The following CDIN1 variants were observed in gnomAD, a reference collection of about 807,000 sequenced individuals.
The protein encoded by CDIN1 is CDAN1 interacting nuclease 1.
CDIN1 carries 33 observed loss-of-function variants against 45.3 expected under a neutral mutation model. The observed-to-expected ratio is 0.73, with a 90% confidence interval of 0.55 to 0.97. CDIN1 has a LOEUF of 0.97. Among genes scored for constraint, CDIN1 ranks in the 50% least tolerant of loss-of-function variants. CDIN1 has a pLI of 0.00. For missense variants in CDIN1, 303 were observed against 339.4 expected (o/e 0.89, Z 0.84); for synonymous variants, 118 against 124.4 (o/e 0.95, Z 0.34).
intron 1 of CDIN1, among the ~76,000 whole-genome samples, chr15:36,629,188 C>A (rs769846526): frequency 6.6e-6 from 1 of 152,122 alleles, no homozygotes; most frequent in Admixed American, 6.5e-5. Flanking sequence ...TTTTAATCCA[C>A]CAAGTTTTTG....
chr15:36,789,877 C>T (rs1185548404), intron 10 of CDIN1, among the ~76,000 whole-genome samples: 1 of 152,118 alleles, frequency 6.6e-6, no homozygotes, highest in Admixed American at 6.5e-5. Context: ...TCCTAGAAAC[C>T]ATTGAGTAAT....
intron 10 of CDIN1, among the ~76,000 whole-genome samples, chr15:36,788,077 T>TAC (rs1340973824): frequency 1.0e-3 from 39 of 37,630 alleles, no homozygotes; most frequent in African/African-American, 4.2e-3. Flanking sequence ...ATTTTATACA[T>TAC]ATATATATAT....
chr15:36,775,701 G>A (rs558547311), intron 10 of CDIN1, among the ~76,000 whole-genome samples: 1 of 53,312 alleles, frequency 1.9e-5, no homozygotes, highest in East Asian at 1.4e-3. Flanking sequence ...TCTATTACCA[G>A]ATTTACACAG....
intron 5 of CDIN1, among the ~76,000 whole-genome samples, chr15:36,658,587 A>G (rs1291449495): frequency 6.6e-6 from 1 of 152,130 alleles, no homozygotes. Context: ...TGCCCCATAA[A>G]TATTTGCCTA....
intron 1 of CDIN1, among the ~76,000 whole-genome samples, chr15:36,583,949 GA>G (rs2037171352): frequency 6.6e-6 from 1 of 152,162 alleles, no homozygotes; most frequent in South Asian, 2.1e-4. Flanking sequence ...CTGGGAGGCA[GA>G]GCTTGCAGTG....
At chr15:36,666,195 A>G (rs542345352) in intron 5 of CDIN1, among the ~76,000 whole-genome samples, 2 of 152,294 alleles carry the variant, frequency 1.3e-5, no homozygotes, top group South Asian at 4.2e-4. Context: ...GCCTGAGCCT[A>G]TCAGACACAA....
Position 36,691,720 on chromosome 15 carries a change from C to T in CDIN1, c.382C>T (p.Pro128Ser), listed in dbSNP as rs770969100. ...TATTATAAATAGTATGCTACGGGAC[C>T]CTTCTCAGATTCCAGATGGAGTTCT... is the stretch of plus-strand genomic sequence containing the variant. ...KSIINSMLRD[P>S]SQIPDGVLAN... The change falls in exon 6 of 11, where the codon CCT becomes TCT. Residue 128 changes from proline (P) to serine (S), a missense_variant. Physicochemically the swap from Pro to Ser is moderately conservative, Grantham distance 74. Coordinates refer to ENST00000566621, the MANE Select transcript of CDIN1 (RefSeq NM_001321759.2). 1.2e-6 allele frequency: 2 copies of T among 1,603,808 alleles called. No individual in the cohort carries two copies. The highest frequency in any genetic ancestry group is 2.7e-5 in the African/African-American group (2 of 74,738).
chr15:36,621,090 T>C (rs1397355707), intron 1 of CDIN1, among the ~76,000 whole-genome samples: 1 of 152,230 alleles, frequency 6.6e-6, no homozygotes, highest in Admixed American at 6.5e-5. Context: ...AGTCATACCA[T>C]GTTTAGAGTT....
At chr15:36,699,919 A>T (rs2042572842) in intron 8 of CDIN1, among the ~76,000 whole-genome samples, 1 of 152,190 alleles carries the variant, frequency 6.6e-6, no homozygotes, top group Non-Finnish European at 1.5e-5. Flanking sequence ...ACACATAAGT[A>T]TATTGTATTA....
In CDIN1 at chr15:36,701,122, GTAGATAGATAGATAGA is replaced by G. The variant is rs200063950; in HGVS notation, c.544+3771_544+3786del. On this transcript the variant is annotated intron_variant, in intron 8 of 10. Coordinates refer to ENST00000566621, the MANE Select transcript of CDIN1 (RefSeq NM_001321759.2). ...GGTAGATAGATAGATAGATAGGTAG[GTAGATAGATAGATAGA>G]TAGATAGATAGATAGATAGATAGAT... Among the ~76,000 whole-genome samples, 74 of 103,868 alleles carry G rather than the reference GTAGATAGATAGATAGA, an allele frequency of 7.1e-4. No homozygotes were observed. In the East Asian group the frequency reaches 7.9e-3, roughly 11 times the overall value. 68.1% of individuals were successfully genotyped at this position (103,868 alleles called of 152,430 possible).
chr15:36,591,203 C>T (rs146639649), intron 1 of CDIN1, among the ~76,000 whole-genome samples: 21 of 152,260 alleles, frequency 1.4e-4, no homozygotes, highest in Middle Eastern at 3.4e-3. Context: ...GTGTCTTCTA[C>T]ATTACACATG....
intron 1 of CDIN1, among the ~76,000 whole-genome samples, chr15:36,631,431 C>G (rs759069875): frequency 6.6e-6 from 1 of 152,180 alleles, no homozygotes; most frequent in Non-Finnish European, 1.5e-5. Context: ...CCCTCCTTGT[C>G]CCTGACAACT....
intron 10 of CDIN1, among the ~76,000 whole-genome samples, chr15:36,793,698 T>G (rs2054708077): frequency 6.6e-6 from 1 of 152,170 alleles, no homozygotes; most frequent in Non-Finnish European, 1.5e-5. Context: ...TTTCCTTAAC[T>G]TGGTATTTAT....
chr15:36,607,640 T>A (rs1399433240), intron 1 of CDIN1, among the ~76,000 whole-genome samples: 1 of 152,108 alleles, frequency 6.6e-6, no homozygotes, highest in Non-Finnish European at 1.5e-5. Flanking sequence ...TTTCCTTCAT[T>A]CCAGTTTAAA....
chr15:36,592,539 A>G (rs1410400674), intron 1 of CDIN1, among the ~76,000 whole-genome samples: 1 of 152,210 alleles, frequency 6.6e-6, no homozygotes, highest in Non-Finnish European at 1.5e-5. Flanking sequence ...TTTTTCTGAA[A>G]GAGACTCACA....
Position 36,709,895 on chromosome 15 carries a change from C to A in CDIN1, c.650C>A (p.Ala217Asp). Residue 217 changes from alanine (A) to aspartate (D), a missense_variant, in exon 10 of 11, where the codon GCC becomes GAC. Ala to Asp is a moderately radical substitution (Grantham distance 126). Transcript: ENST00000566621. ...ATAATTCACTGGATTGAAAGCAAAG[C>A]CTCATTTGGTGATGAATGTAGCCAC... is the stretch of plus-strand genomic sequence containing the variant. ...GHIIHWIESK[A>D]SFGDECSHHA... The A allele has an allele frequency of 1.2e-6, 2 of 1,613,284 alleles. No individual in the cohort carries two copies. Among genetic ancestry groups the A allele is most frequent in the Non-Finnish European group, 1.7e-6 (2 of 1,179,456 alleles).
intron 5 of CDIN1, 49 bp from the exon 6 acceptor site, chr15:36,691,636 T>TA: frequency 1.6e-6 from 2 of 1,241,338 alleles, no homozygotes; most frequent in Non-Finnish European, 2.3e-6. Flanking sequence ...CATGTTGCAT[T>TA]AAAAGTATGT....
At chr15:36,740,118 A>T (rs2140936783) in intron 10 of CDIN1, among the ~76,000 whole-genome samples, 1 of 152,320 alleles carries the variant, frequency 6.6e-6, no homozygotes, top group Non-Finnish European at 1.5e-5. Context: ...TTAGAATATT[A>T]ACGGCTCTGA....
intron 10 of CDIN1, chr15:36,747,257 T>A (rs1337680893): frequency 2.9e-6 from 1 of 341,500 alleles, no homozygotes; most frequent in Admixed American, 4.8e-5. Flanking sequence ...GTAACAAACA[T>A]TTCTGGGTGA....
Sources: gnomAD v4.1 joint callset for allele counts (sites outside exome capture counted in the v4.1 genomes callset) on GRCh38, gnomAD v4.1.1 for gene constraint, MANE v1.5 for transcripts, NCBI Gene and HGNC (gene_info 2026-07-23, HGNC 2026-07-21) for gene names.